The following ZDHHC14 variants were observed in gnomAD, a reference collection of about 807,000 sequenced individuals.
The protein encoded by ZDHHC14 is palmitoyltransferase ZDHHC14.
ZDHHC14 carries 16 observed loss-of-function variants against 47.7 expected under a neutral mutation model. The observed-to-expected ratio is 0.34, with a 90% CI of 0.23 to 0.51. The LOEUF is 0.51. Ranked by LOEUF, ZDHHC14 falls within the 20% of genes least tolerant of loss-of-function variation. The pLI is 0.97. For synonymous variants in ZDHHC14, 293 were observed against 278.9 expected (o/e 1.05, Z -0.50); for missense variants, 515 against 662.5 (o/e 0.78, Z 2.44).
At chr6:157,590,524 C>A (rs758541487) in intron 2 of ZDHHC14, among the ~76,000 whole-genome samples, 15 of 152,200 alleles carry the variant, frequency 9.9e-5, no homozygotes, top group Admixed American at 8.5e-4. Flanking sequence ...CCTGTAGGTG[C>A]ACAGAAGACA....
intron 1 of ZDHHC14, among the ~76,000 whole-genome samples, chr6:157,448,638 G>A (rs1382091487): frequency 6.6e-6 from 1 of 152,174 alleles, no homozygotes; most frequent in South Asian, 2.1e-4. Flanking sequence ...TTGTGTGCTT[G>A]GCACAATGAG....
Position 157,673,258 on chromosome 6 carries a change from A to G in ZDHHC14, c.*136A>G. The G allele has an allele frequency of 8.1e-7, 1 of 1,238,124 alleles. No individual in the cohort carries two copies. Among genetic ancestry groups the G allele is most frequent in the South Asian group, 1.7e-5 (1 of 59,080 alleles). 76.7% of individuals were successfully genotyped at this position (1,238,124 alleles called of 1,614,324 possible). The stretch of plus-strand genomic sequence containing the variant: ...ACAGCCCCAGGTCTGGGGTACAGAG[A>G]CCACTTAGGATGGCACAGGGTGGCT... On this transcript the variant is annotated 3_prime_UTR_variant, in exon 9 of 9. Transcript: ENST00000359775. The surrounding 1 kb of genome is among the most constrained non-coding windows in gnomAD (Gnocchi z 5.4).
intron 1 of ZDHHC14, among the ~76,000 whole-genome samples, chr6:157,522,424 C>G (rs1780954159): frequency 6.6e-6 from 1 of 152,126 alleles, no homozygotes; most frequent in African/African-American, 2.4e-5. Flanking sequence ...GACAGTGTGT[C>G]ACTGGTTTTC....
intron 1 of ZDHHC14, among the ~76,000 whole-genome samples, chr6:157,457,231 G>A (rs1432782209): frequency 6.6e-6 from 1 of 151,480 alleles, no homozygotes; most frequent in Non-Finnish European, 1.5e-5. Context: ...CGCCAGAGTG[G>A]GCCACAGACT....
intron 2 of ZDHHC14, among the ~76,000 whole-genome samples, chr6:157,577,108 TG>T (rs1301404257): frequency 6.6e-6 from 1 of 152,178 alleles, no homozygotes; most frequent in African/African-American, 2.4e-5. Flanking sequence ...AGTGAAAACA[TG>T]TAGTACTTGG....
chr6:157,596,651 A>G (rs1295201054), intron 3 of ZDHHC14, among the ~76,000 whole-genome samples: 1 of 152,144 alleles, frequency 6.6e-6, no homozygotes, highest in Non-Finnish European at 1.5e-5. Context: ...ATTGAGTAAT[A>G]CTGGAACCTG....
At chr6:157,569,724 T>C (rs963433399) in intron 2 of ZDHHC14, among the ~76,000 whole-genome samples, 12 of 152,174 alleles carry the variant, frequency 7.9e-5, no homozygotes, top group Non-Finnish European at 4.4e-5. Flanking sequence ...TCTGTGGTTT[T>C]CAAAACCCCC....
chr6:157,445,164 T>TATCATCATCATC (rs113595524), intron 1 of ZDHHC14, among the ~76,000 whole-genome samples: 39 of 142,752 alleles, frequency 2.7e-4, no homozygotes, highest in African/African-American at 1.1e-3. Flanking sequence ...TCTATCTATC[T>TATCATCATCATC]ATCATCATCA....
intron 1 of ZDHHC14, among the ~76,000 whole-genome samples, chr6:157,475,417 A>T (rs1779458166): frequency 6.6e-6 from 1 of 151,924 alleles, no homozygotes; most frequent in Admixed American, 6.6e-5. Flanking sequence ...TGTAATTTTG[A>T]TAGGGATTGC....
chr6:157,533,818 G>A (rs886277190), intron 1 of ZDHHC14, among the ~76,000 whole-genome samples: 13 of 152,252 alleles, frequency 8.5e-5, no homozygotes, highest in Non-Finnish European at 1.8e-4. Context: ...GGCTCTAAAT[G>A]TGGAGATGTT....
At chr6:157,542,563 G>C (rs750334388) in intron 1 of ZDHHC14, 22 bp from the exon 2 acceptor site, 97 of 1,609,894 alleles carry the variant, frequency 6.0e-5, no homozygotes, top group Admixed American at 8.4e-5. Flanking sequence ...CCTTCTCTCC[G>C]GTCTGTCCAA....
intron 2 of ZDHHC14, among the ~76,000 whole-genome samples, chr6:157,585,536 AC>A (rs1783660476): frequency 3.3e-5 from 5 of 152,204 alleles, no homozygotes; most frequent in African/African-American, 1.2e-4. Flanking sequence ...TGAGAGAAAG[AC>A]TTCATGATTG....
intron 1 of ZDHHC14, among the ~76,000 whole-genome samples, chr6:157,440,885 G>A (rs2114791774): frequency 6.6e-6 from 1 of 152,266 alleles, no homozygotes; most frequent in South Asian, 2.1e-4. Flanking sequence ...TTGGAATTAG[G>A]GAGAGTTGAG....
At chr6:157,418,606 C>T (rs1389025446) in intron 1 of ZDHHC14, among the ~76,000 whole-genome samples, 1 of 152,160 alleles carries the variant, frequency 6.6e-6, no homozygotes, top group Non-Finnish European at 1.5e-5. Flanking sequence ...ATTTTGGGAA[C>T]ACAGAGAGGC....
intron 1 of ZDHHC14, among the ~76,000 whole-genome samples, chr6:157,446,189 A>G (rs1778663430): frequency 6.6e-6 from 1 of 152,040 alleles, no homozygotes; most frequent in Non-Finnish European, 1.5e-5. Flanking sequence ...ACCTGTAGCT[A>G]TTCTATCATC....
chr6:157,441,858 C>A (rs1250963804), intron 1 of ZDHHC14, among the ~76,000 whole-genome samples: 2 of 151,948 alleles, frequency 1.3e-5, no homozygotes, highest in African/African-American at 4.8e-5. Flanking sequence ...AAGAAAAAAT[C>A]AATATTCCTT....
chr6:157,487,416 A>G (rs973425829), intron 1 of ZDHHC14, among the ~76,000 whole-genome samples: 12 of 152,248 alleles, frequency 7.9e-5, no homozygotes, highest in Non-Finnish European at 1.8e-4. Flanking sequence ...GCAAACCTGT[A>G]AGGACTAAAG....
intron 1 of ZDHHC14, among the ~76,000 whole-genome samples, chr6:157,483,324 T>G (rs1779678334): frequency 6.6e-6 from 1 of 152,206 alleles, no homozygotes; most frequent in Non-Finnish European, 1.5e-5. Flanking sequence ...CTGGTCTTGT[T>G]TTTTGCAAAA....
At chr6:157,547,358 C>T (rs897187776) in intron 2 of ZDHHC14, among the ~76,000 whole-genome samples, 1 of 152,014 alleles carries the variant, frequency 6.6e-6, no homozygotes. Context: ...AAGAGTCTCT[C>T]GAGGAAATTT....
Sources: gnomAD v4.1 joint callset for allele counts (sites outside exome capture counted in the v4.1 genomes callset) on GRCh38, gnomAD v4.1.1 for gene constraint, Gnocchi (gnomAD v3.1) non-coding constraint, MANE v1.5 for transcripts, NCBI Gene and HGNC (gene_info 2026-07-23, HGNC 2026-07-21) for gene names.